Variants in DCAF8L2 observed in about 807,000 individuals in gnomAD.
The protein encoded by DCAF8L2 is DDB1 and CUL4 associated factor 8 like 2, also known as DDB1- and CUL4-associated factor 8-like protein 2.
For missense variants in DCAF8L2, 430 were observed against 490.7 expected, an observed-to-expected ratio of 0.88 and a Z score of 1.17; for synonymous variants, 200 against 190.9, an observed-to-expected ratio of 1.05 and a Z score of -0.39.
chrX:27,561,408 G>A, the DCAF8L2 span, among the ~76,000 whole-genome samples: 1 of 111,792 alleles, frequency 8.9e-6, no homozygotes. Context: ...CAGGATCAGG[G>A]TGGGTTTAAT....
chrX:27,590,440 G>C lies in DCAF8L2; in HGVS notation c.-342G>C, dbSNP rs1926017857. ...AGGAAGGCGAATGACTCGAGTCTAT[G>C]GTATGTAATCAATATTTTGATTTCA... On this transcript the variant is annotated splice_region_variant and 5_prime_UTR_variant, in exon 1 of 5. The change abolishes an upstream ATG in the 5' untranslated region. Coordinates refer to ENST00000451261, the MANE Select transcript of DCAF8L2 (RefSeq NM_001353450.2). The C allele has an allele frequency of 9.0e-6, 1 of 111,397 alleles. No individual in the cohort carries two copies. 9.2% of individuals were successfully genotyped at this position (111,397 alleles called of 1,213,427 possible).
the DCAF8L2 span, among the ~76,000 whole-genome samples, chrX:27,581,916 C>T: frequency 1.8e-5 from 2 of 112,241 alleles, no homozygotes; most frequent in South Asian, 7.4e-4. Context: ...TAATATTTGA[C>T]TTAGATTTTC....
chrX:27,480,500 G>A, the DCAF8L2 span, among the ~76,000 whole-genome samples: 5 of 111,927 alleles, frequency 4.5e-5, no homozygotes, highest in Admixed American at 9.5e-5. Context: ...GCAGAGACAG[G>A]CCAGGATAAT....
intron 1 of DCAF8L2, among the ~76,000 whole-genome samples, chrX:27,619,957 CTAAA>C (rs762364319): frequency 1.4e-4 from 15 of 110,922 alleles, no homozygotes; most frequent in East Asian, 5.7e-4. Flanking sequence ...GTTTAACAAC[CTAAA>C]TAAATAAACT....
chrX:27,685,880 C>T (rs183187520), intron 3 of DCAF8L2, among the ~76,000 whole-genome samples: 3 of 111,503 alleles, frequency 2.7e-5, no homozygotes, highest in Non-Finnish European at 3.8e-5. Context: ...TCAAATAACT[C>T]AATAGCAAAA....
the DCAF8L2 span, among the ~76,000 whole-genome samples, chrX:27,583,300 C>T: frequency 6.8e-4 from 76 of 111,695 alleles, no homozygotes; most frequent in East Asian, 0.017. Flanking sequence ...CCCTTTTGTT[C>T]ATTTTGTTAC....
Position 27,646,359 on chromosome X carries a change from A to G in DCAF8L2, c.-220+14359A>G, listed in dbSNP as rs1227459097. 2.8e-5 allele frequency among the ~76,000 whole-genome samples: 3 copies of G among 108,458 alleles called. No homozygotes were observed. The Admixed American group carries it at 3.0e-4, about 11-fold the overall frequency. The allele number at this position is 108,458 out of a possible 115,157, so 94.2% of individuals were successfully genotyped here. ...ATAGTGCTGGGAGAACTGGCTAGAC[A>G]TATGCAGAAAATTGAAACTGGATGC... On this transcript the variant is annotated intron_variant, in intron 2 of 4. Transcript: ENST00000451261.
At chrX:27,578,993 A>G in the DCAF8L2 span, among the ~76,000 whole-genome samples, 2 of 111,715 alleles carry the variant, frequency 1.8e-5, no homozygotes, top group Admixed American at 1.9e-4. Context: ...TGTGGAAGAC[A>G]GTGGCGATTC....
At chrX:27,478,984 T>C in the DCAF8L2 span, among the ~76,000 whole-genome samples, 1 of 111,689 alleles carries the variant, frequency 9.0e-6, no homozygotes, top group African/African-American at 3.3e-5. Flanking sequence ...AACCTAGTGA[T>C]TAAAGAATAG....
At chrX:27,721,040 G>T (rs1217550017) in intron 4 of DCAF8L2, among the ~76,000 whole-genome samples, 2 of 111,578 alleles carry the variant, frequency 1.8e-5, no homozygotes, top group African/African-American at 6.5e-5. Context: ...TTGTAAGCTT[G>T]AAAAGTGTGA....
At chrX:27,642,007 G>A (rs1198080127) in intron 2 of DCAF8L2, among the ~76,000 whole-genome samples, 1 of 109,573 alleles carries the variant, frequency 9.1e-6, no homozygotes, top group Middle Eastern at 4.7e-3. Context: ...TCCTGCCTCA[G>A]CCTCCAGAGT....
At chrX:27,745,125 A>G (rs1235383252) in intron 4 of DCAF8L2, among the ~76,000 whole-genome samples, 2 of 112,145 alleles carry the variant, frequency 1.8e-5, no homozygotes, top group Admixed American at 1.9e-4. Context: ...TTAAAGAATT[A>G]CTATGCAATA....
At chrX:27,619,004 A>AT (rs1555919667) in intron 1 of DCAF8L2, among the ~76,000 whole-genome samples, 1 of 101,664 alleles carries the variant, frequency 9.8e-6, no homozygotes, top group Non-Finnish European at 2.0e-5. Context: ...ATCTATATCT[A>AT]ATCTATCTAT....
the DCAF8L2 span, among the ~76,000 whole-genome samples, chrX:27,542,785 G>A: frequency 5.5e-5 from 6 of 109,394 alleles, no homozygotes; most frequent in African/African-American, 1.0e-4. Context: ...CTCGGGATCC[G>A]CCCGCCTCGG....
intron 3 of DCAF8L2, among the ~76,000 whole-genome samples, chrX:27,713,780 T>G (rs1202753334): frequency 1.8e-5 from 2 of 111,536 alleles, no homozygotes; most frequent in East Asian, 5.6e-4. Context: ...TGGGCATGGC[T>G]GTGTTCCAAT....
intron 2 of DCAF8L2, among the ~76,000 whole-genome samples, chrX:27,659,376 C>A (rs1281407791): frequency 8.9e-6 from 1 of 111,950 alleles, no homozygotes; most frequent in Non-Finnish European, 1.9e-5. Flanking sequence ...GGGTAGGGGT[C>A]ATTATCTGAG....
At chrX:27,675,286 C>T (rs1190994663) in intron 2 of DCAF8L2, among the ~76,000 whole-genome samples, 1 of 111,286 alleles carries the variant, frequency 9.0e-6, no homozygotes, top group Non-Finnish European at 1.9e-5. Flanking sequence ...GACTGGGAAT[C>T]AGCATCCAAA....
the DCAF8L2 span, among the ~76,000 whole-genome samples, chrX:27,578,894 CAAA>C: frequency 1.1e-5 from 1 of 91,056 alleles, no homozygotes; most frequent in African/African-American, 4.2e-5. Context: ...ATTAAAATGT[CAAA>C]AAAAAAAAAA....
intron 4 of DCAF8L2, among the ~76,000 whole-genome samples, chrX:27,734,998 A>G (rs1387508877): frequency 8.9e-6 from 1 of 112,119 alleles, no homozygotes; most frequent in African/African-American, 3.2e-5. Flanking sequence ...TAAACACTAT[A>G]GTTTTAATTT....
Sources: allele counts gnomAD v4.1 joint callset (sites outside exome capture counted in the v4.1 genomes callset), GRCh38; gene constraint gnomAD v4.1.1; transcripts MANE v1.5; gene names NCBI Gene and HGNC (gene_info 2026-07-23, HGNC 2026-07-21).